The following CD44 variants were observed in gnomAD, a reference collection of about 807,000 sequenced individuals.
The protein encoded by CD44 is CD44 molecule (IN blood group), also known as CD44 antigen.
CD44 carries 49 observed loss-of-function variants against 88.8 expected under a neutral mutation model. The observed-to-expected ratio is 0.55, with a 90% confidence interval of 0.44 to 0.70. The LOEUF is 0.70. Ranked by LOEUF, CD44 falls within the 30% of genes least tolerant of loss-of-function variation. CD44 has a pLI of 0.00. For missense variants in CD44, 883 were observed against 913.8 expected, an observed-to-expected ratio of 0.97 and a Z score of 0.43; for synonymous variants, 325 against 312.3, an observed-to-expected ratio of 1.04 and a Z score of -0.43.
At chr11:35,180,490 T>A in intron 3 of CD44, 83 bp downstream of exon 3, 2 of 1,437,416 alleles carry the variant, frequency 1.4e-6, no homozygotes, top group Non-Finnish European at 1.9e-6. Context: ...GGGATTCATG[T>A]AGCCTCCATT....
At chr11:35,210,150 G>T (rs1591282578) in intron 13 of CD44, 96 bp downstream of exon 13, 1 of 661,914 alleles carries the variant, frequency 1.5e-6, no homozygotes, top group Non-Finnish European at 2.5e-6. Context: ...GCATCCATTA[G>T]CTGCCGTTAC....
chr11:35,215,782 G>T (rs1168806954), intron 15 of CD44, among the ~76,000 whole-genome samples: 1 of 151,876 alleles, frequency 6.6e-6, no homozygotes, highest in Admixed American at 6.6e-5. Flanking sequence ...TGAGGCAGGA[G>T]AATTGCTCGG....
intron 1 of CD44, among the ~76,000 whole-genome samples, chr11:35,160,058 C>G (rs1344736930): frequency 1.3e-5 from 2 of 152,180 alleles, no homozygotes; most frequent in Non-Finnish European, 2.9e-5. Flanking sequence ...ATGGGGCCTC[C>G]AAGGCCATCA....
At chr11:35,139,452 C>A in intron 1 of CD44, 82 bp downstream of exon 1, 2 of 1,271,374 alleles carry the variant, frequency 1.6e-6, no homozygotes, top group South Asian at 1.3e-5. Context: ...CCGGCTGAGT[C>A]GGCCCTGGGG....
At chr11:35,220,557 T>G (rs980137175) in intron 16 of CD44, among the ~76,000 whole-genome samples, 1 of 152,164 alleles carries the variant, frequency 6.6e-6, no homozygotes, top group African/African-American at 2.4e-5. Context: ...ACAACCCACT[T>G]TGCAACTGAA....
In CD44 at chr11:35,229,426, T is replaced by C. The variant is rs961111353; in HGVS notation, c.*93T>C. 10 of 740,404 alleles carry C rather than the reference T, an allele frequency of 1.4e-5. No homozygotes were observed. In the African/African-American group the frequency reaches 1.7e-4, roughly 13 times the overall value. 45.9% of individuals were successfully genotyped at this position (740,404 alleles called of 1,614,324 possible). A position where few individuals can be genotyped will look rare whatever the true frequency, so the allele number is the denominator to read the frequency against. Reference sequence around the variant, plus strand: ...TTAACAGATGCAATGTGCTACTGATTGTTTCATTGCGAATCTTTTTTAGCA... The same window carrying C: ...TTAACAGATGCAATGTGCTACTGATCGTTTCATTGCGAATCTTTTTTAGCA... On this transcript the variant is annotated 3_prime_UTR_variant, in exon 18 of 18. Coordinates refer to ENST00000428726, the MANE Select transcript of CD44 (RefSeq NM_000610.4).
At chr11:35,160,907 CTCTT>C (rs1025309546) in intron 1 of CD44, among the ~76,000 whole-genome samples, 1 of 152,164 alleles carries the variant, frequency 6.6e-6, no homozygotes, top group Non-Finnish European at 1.5e-5. Context: ...TATAAAGTCT[CTCTT>C]TCTCTTTCTC....
chr11:35,180,391 TTGCTTCAA>T lies in CD44; in HGVS notation c.359_366del (p.Asn120SerfsTer4). 1 of 1,614,082 alleles carries T rather than the reference TTGCTTCAA, an allele frequency of 6.2e-7. No individual in the cohort carries two copies. Among genetic ancestry groups the T allele is most frequent in the Non-Finnish European group, 8.5e-7 (1 of 1,179,968 alleles). Reference sequence around the variant, plus strand: ...CCAACACCTCCCAGTATGACACATATTGCTTCAATGCTTCAGGTTGGTTCTCAGGGGGG... The same window carrying T: ...CCAACACCTCCCAGTATGACACATATTGCTTCAGGTTGGTTCTCAGGGGGG... On this transcript the variant is annotated frameshift_variant, in exon 3 of 18. Transcript: ENST00000428726. LOFTEE classifies it high-confidence loss of function.
chr11:35,167,397 C>T (rs141000548), intron 1 of CD44, among the ~76,000 whole-genome samples: 168 of 152,230 alleles, frequency 1.1e-3, no homozygotes, highest in Non-Finnish European at 2.1e-3. Flanking sequence ...CCCATTGTGC[C>T]TCCTGGCTTT....
chr11:35,226,643 A>C (rs912202035), intron 17 of CD44, among the ~76,000 whole-genome samples: 1 of 151,482 alleles, frequency 6.6e-6, no homozygotes, highest in African/African-American at 2.5e-5. Flanking sequence ...AAGAGCAAGA[A>C]TAACAATTAT....
intron 5 of CD44, among the ~76,000 whole-genome samples, chr11:35,195,408 T>G (rs1437125596): frequency 6.6e-6 from 1 of 151,634 alleles, no homozygotes; most frequent in Non-Finnish European, 1.5e-5. Context: ...ATGTCTAAGA[T>G]CATGCAGGGG....
chr11:35,143,263 A>G (rs1261955387), intron 1 of CD44, among the ~76,000 whole-genome samples: 3 of 151,702 alleles, frequency 2.0e-5, no homozygotes, highest in Non-Finnish European at 4.4e-5. Flanking sequence ...AGGAGCACCA[A>G]AGTTTTAAAA....
In CD44 at chr11:35,229,194, G is replaced by C. The variant is rs1343973422; in HGVS notation, c.2090G>C (p.Ser697Thr). The C allele has an allele frequency of 1.9e-6, 3 of 1,614,002 alleles. No individual in the cohort carries two copies. The African/African-American group carries it at 4.0e-5, about 22-fold the overall frequency. Reference protein sequence around the residue: ...GNGAVEDRKPSGLNGEASKSQ... With the variant: ...GNGAVEDRKPTGLNGEASKSQ... ...GGAGCTGTGGAGGACAGAAAGCCAA[G>C]TGGACTCAACGGAGAGGCCAGCAAG... is the stretch of plus-strand genomic sequence containing the variant. Residue 697 changes from serine (S) to threonine (T), a missense_variant, in exon 18 of 18, where the codon AGT becomes ACT. By Grantham distance (58) the Ser-to-Thr change is moderately conservative. Coordinates refer to ENST00000428726, the MANE Select transcript of CD44 (RefSeq NM_000610.4).
At chr11:35,147,304 A>C (rs961958639) in intron 1 of CD44, among the ~76,000 whole-genome samples, 1 of 152,202 alleles carries the variant, frequency 6.6e-6, no homozygotes, top group Non-Finnish European at 1.5e-5. Context: ...AAACTCTGAG[A>C]AAAGAGGCTG....
Position 35,166,087 on chromosome 11 carries a change from A to G in CD44, c.68-10488A>G, listed in dbSNP as rs541908793. Among the ~76,000 whole-genome samples, 124 of 152,350 alleles carry G rather than the reference A, an allele frequency of 8.1e-4. 1 individual carries two copies. The highest frequency in any genetic ancestry group is 3.0e-3 in the African/African-American group (123 of 41,584). Reference sequence around the variant, plus strand: ...TGGCCCAACCTTATTTTCTACTTGCAAGAGGAAAAACCCTATTTGGGCCCC... The same window carrying G: ...TGGCCCAACCTTATTTTCTACTTGCGAGAGGAAAAACCCTATTTGGGCCCC... On this transcript the variant is annotated intron_variant, in intron 1 of 17. Transcript: ENST00000428726.
At chr11:35,171,604 A>G (rs999747505) in intron 1 of CD44, among the ~76,000 whole-genome samples, 1 of 152,234 alleles carries the variant, frequency 6.6e-6, no homozygotes, top group African/African-American at 2.4e-5. Flanking sequence ...TATGAGGAGA[A>G]TTCAAAATGT....
chr11:35,227,372 G>C (rs551472592), intron 17 of CD44, among the ~76,000 whole-genome samples: 7 of 152,306 alleles, frequency 4.6e-5, no homozygotes, highest in African/African-American at 1.4e-4. Flanking sequence ...TTTGAATACA[G>C]ACTGGGTTTT....
intron 4 of CD44, among the ~76,000 whole-genome samples, chr11:35,188,539 C>T (rs1018115556): frequency 1.3e-5 from 2 of 152,202 alleles, no homozygotes; most frequent in African/African-American, 4.8e-5. Flanking sequence ...GAAGTCCAGA[C>T]ATGTAAGAGT....
chr11:35,146,670 C>T (rs371062906), intron 1 of CD44, among the ~76,000 whole-genome samples: 5 of 152,284 alleles, frequency 3.3e-5, no homozygotes, highest in East Asian at 1.9e-4. Flanking sequence ...TAAGTGATGG[C>T]GCTGGGATTC....
Sources: allele counts gnomAD v4.1 joint callset (sites outside exome capture counted in the v4.1 genomes callset), GRCh38; gene constraint gnomAD v4.1.1; transcripts MANE v1.5; gene names NCBI Gene and HGNC (gene_info 2026-07-23, HGNC 2026-07-21).